PRTFDC1: variants seen among roughly 807,000 people sequenced by gnomAD.
The protein encoded by PRTFDC1 is phosphoribosyltransferase domain-containing protein 1.
Under a neutral mutation model 34.6 loss-of-function variants are expected in PRTFDC1, and 38 were observed. The ratio of observed to expected loss-of-function variants is 1.10; its 90% confidence interval spans 0.85 to 1.44. The LOEUF is 1.44. Ranked by LOEUF, PRTFDC1 falls within the 40% of genes most tolerant of loss-of-function variation. The probability of loss-of-function intolerance (pLI) is 0.00; values close to 1 mark genes in which losing one functional copy is unlikely to be tolerated. For missense variants in PRTFDC1, 270 were observed against 283.0 expected (o/e 0.95, Z 0.33); for synonymous variants, 93 against 98.1 (o/e 0.95, Z 0.31).
At position 24,882,215 on chromosome 10, in the gene PRTFDC1, A is replaced by AAAAAG. The variant is rs1555046942; in HGVS notation, c.340-10157_340-10153dup. 1.4e-3 allele frequency among the ~76,000 whole-genome samples: 210 copies of AAAAAG among 147,100 alleles called. 17 individuals carry two copies. Among genetic ancestry groups the AAAAAG allele is most frequent in the Middle Eastern group, 3.5e-3 (1 of 284 alleles). On this transcript the variant is annotated intron_variant, in intron 3 of 8. Transcript: ENST00000320152. ...GAGCGGATCTGCCTCAAAAAAAAAA[A>AAAAAG]AAAAGAAAAGAAAAGAAAAAGAGAA...
At chr10:24,877,970 A>G (rs12255346) in intron 3 of PRTFDC1, among the ~76,000 whole-genome samples, 4,306 of 152,140 alleles carry the variant, frequency 0.028, 209 homozygotes, top group African/African-American at 0.097. Context: ...AACAGAGACA[A>G]TAAGAGTTTA....
At chr10:24,881,871 C>A (rs976438797) in intron 3 of PRTFDC1, among the ~76,000 whole-genome samples, 2 of 152,102 alleles carry the variant, frequency 1.3e-5, no homozygotes, top group East Asian at 3.8e-4. Context: ...TCATACCACA[C>A]CTTTCCATCT....
intron 6 of PRTFDC1, among the ~76,000 whole-genome samples, chr10:24,856,644 G>A (rs1009474525): frequency 1.3e-5 from 2 of 152,092 alleles, no homozygotes; most frequent in Non-Finnish European, 2.9e-5. Flanking sequence ...GCAATTGCAC[G>A]GGGGCTCATC....
At position 24,851,272 on chromosome 10, in the gene PRTFDC1, T is replaced by G. The variant is rs954418848; in HGVS notation, c.630+116A>C. The stretch of plus-strand genomic sequence containing the variant: ...TATGGATGCAATGTGCTCACCATAC[T>G]CCTGACATAGAAGATACTCAATCAA... On this transcript the variant is annotated intron_variant, in intron 8 of 8. Transcript: ENST00000320152. 7.0e-6 allele frequency: 10 copies of G among 1,421,538 alleles called. No homozygotes were observed. In the African/African-American group the frequency reaches 1.4e-4, roughly 20 times the overall value. The allele number at this position is 1,421,538 out of a possible 1,614,324, so 88.1% of individuals were successfully genotyped here.
chr10:24,860,261 AT>A lies in PRTFDC1; in HGVS notation c.406-1853del. Among the ~76,000 whole-genome samples, 2 of 152,088 alleles carry A rather than the reference AT, an allele frequency of 1.3e-5. 1 individual carries two copies. Among genetic ancestry groups the A allele is most frequent in the Non-Finnish European group, 2.9e-5 (2 of 68,020 alleles). ...CTGGGTGTGGTGGTAGGTGACTGTA[AT>A]CCCAGCTACTCAGGAGGCTGAGGCG... On this transcript the variant is annotated intron_variant, in intron 4 of 8. Coordinates refer to ENST00000320152, the MANE Select transcript of PRTFDC1 (RefSeq NM_020200.7).
chr10:24,865,535 G>T (rs1014113754), intron 4 of PRTFDC1, among the ~76,000 whole-genome samples: 3 of 152,116 alleles, frequency 2.0e-5, no homozygotes, highest in African/African-American at 7.2e-5. Context: ...CCTAGGAGCT[G>T]CAGGCAAAAA....
chr10:24,950,593 C>T (rs1158406532), intron 1 of PRTFDC1, among the ~76,000 whole-genome samples: 1 of 152,118 alleles, frequency 6.6e-6, no homozygotes. Context: ...TGGTATCCGA[C>T]TTGCTGTCCC....
chr10:24,859,402 G>A (rs1424411390), intron 4 of PRTFDC1, among the ~76,000 whole-genome samples: 2 of 152,188 alleles, frequency 1.3e-5, no homozygotes, highest in Non-Finnish European at 2.9e-5. Context: ...TGGGATTATA[G>A]GTATGCACCA....
At chr10:24,930,684 G>A (rs1848957966) in intron 3 of PRTFDC1, among the ~76,000 whole-genome samples, 1 of 151,922 alleles carries the variant, frequency 6.6e-6, no homozygotes, top group African/African-American at 2.4e-5. Context: ...CCACTTACAT[G>A]CTGCTTGACC....
chr10:24,934,478 C>A (rs143475108), intron 3 of PRTFDC1, among the ~76,000 whole-genome samples: 3 of 152,160 alleles, frequency 2.0e-5, no homozygotes, highest in African/African-American at 4.8e-5. Flanking sequence ...ATAGAATAGA[C>A]CCCTTAGGTC....
At chr10:24,906,592 G>C (rs1848539981) in intron 3 of PRTFDC1, among the ~76,000 whole-genome samples, 1 of 151,836 alleles carries the variant, frequency 6.6e-6, no homozygotes. Flanking sequence ...TTGAAAAATG[G>C]ACAGAATGTA....
intron 3 of PRTFDC1, among the ~76,000 whole-genome samples, chr10:24,927,173 T>C (rs552368219): frequency 3.9e-4 from 60 of 152,348 alleles, no homozygotes; most frequent in Middle Eastern, 3.4e-3. Flanking sequence ...AAACTAGATA[T>C]TTGTTTCATG....
intron 3 of PRTFDC1, among the ~76,000 whole-genome samples, chr10:24,876,039 A>G (rs1847957641): frequency 6.6e-6 from 1 of 151,860 alleles, no homozygotes; most frequent in Non-Finnish European, 1.5e-5. Context: ...GCTTTTTAGT[A>G]TGTTTTAATA....
intron 5 of PRTFDC1, 41 bp from the exon 6 acceptor site, chr10:24,857,036 A>G (rs1421886381): frequency 6.7e-7 from 1 of 1,503,724 alleles, no homozygotes; most frequent in African/African-American, 1.4e-5. Context: ...AATGCATTTG[A>G]GCAGCACAAT....
At position 24,864,581 on chromosome 10, in the gene PRTFDC1, T is replaced by A. The variant is rs936079685; in HGVS notation, c.406-6172A>T. Among the ~76,000 whole-genome samples, 6 of 152,316 alleles carry A rather than the reference T, an allele frequency of 3.9e-5. No homozygotes were observed. The East Asian group carries it at 5.8e-4, about 15-fold the overall frequency. On this transcript the variant is annotated intron_variant, in intron 4 of 8. Transcript: ENST00000320152. ...GATCATTAGCATTGTTTTTTAGCAATGAAGTAGTTTTTCATTAAGTTATGT... is the reference window on the plus strand; with the variant it reads ...GATCATTAGCATTGTTTTTTAGCAAAGAAGTAGTTTTTCATTAAGTTATGT...
chr10:24,948,542 A>T (rs1408650576), intron 1 of PRTFDC1, among the ~76,000 whole-genome samples: 1 of 152,234 alleles, frequency 6.6e-6, no homozygotes, highest in Admixed American at 6.5e-5. Flanking sequence ...CAGTTCAACC[A>T]AAAGCCAATT....
intron 3 of PRTFDC1, among the ~76,000 whole-genome samples, chr10:24,934,260 A>G (rs372192025): frequency 4.6e-4 from 69 of 149,692 alleles, no homozygotes; most frequent in African/African-American, 1.6e-3. Flanking sequence ...GAAGAAGAAG[A>G]AGAAGAAGAA....
chr10:24,922,471 G>T (rs1185740639), intron 3 of PRTFDC1, among the ~76,000 whole-genome samples: 2 of 152,228 alleles, frequency 1.3e-5, no homozygotes, highest in Non-Finnish European at 2.9e-5. Flanking sequence ...AATCACAGGG[G>T]TGGGGTTTTC....
intron 3 of PRTFDC1, among the ~76,000 whole-genome samples, chr10:24,876,359 T>A (rs1045511458): frequency 2.0e-5 from 3 of 152,162 alleles, no homozygotes; most frequent in African/African-American, 7.2e-5. Flanking sequence ...ACCTGGCACA[T>A]GTTTAGCATT....
Sources: allele counts gnomAD v4.1 joint callset (sites outside exome capture counted in the v4.1 genomes callset), GRCh38; gene constraint gnomAD v4.1.1; transcripts MANE v1.5; gene names NCBI Gene and HGNC (gene_info 2026-07-23, HGNC 2026-07-21).